GUCY2F: variants seen among roughly 807,000 people sequenced by gnomAD.
GUCY2F encodes retinal guanylyl cyclase 2.
In GUCY2F, 61 loss-of-function variants were observed where a neutral mutation model predicts 73.1. That is an observed-to-expected ratio of 0.83 (90% CI 0.68 to 1.03). The LOEUF (loss-of-function observed/expected upper bound fraction) is 1.03, where lower values mean the gene tolerates loss of function less well. GUCY2F is among the 50% of genes least tolerant of loss of function. The pLI is 0.00. For synonymous variants in GUCY2F, 331 were observed against 307.8 expected (o/e 1.08, Z -0.79); for missense variants, 912 against 854.3 (o/e 1.07, Z -0.84).
chrX:109,422,038 T>A (rs1362121503), intron 8 of GUCY2F, among the ~76,000 whole-genome samples: 2 of 111,723 alleles, frequency 1.8e-5, no homozygotes, highest in African/African-American at 6.5e-5. Context: ...TACTAATTTA[T>A]TTTAATAGAT....
chrX:109,388,122 G>A (rs939727839), intron 15 of GUCY2F, among the ~76,000 whole-genome samples: 4 of 111,459 alleles, frequency 3.6e-5, no homozygotes, highest in Non-Finnish European at 7.5e-5. Context: ...GAAGCAAGAG[G>A]AGCTAGTAGG....
chrX:109,458,428 A>G (rs997792201), intron 3 of GUCY2F, among the ~76,000 whole-genome samples: 2 of 111,603 alleles, frequency 1.8e-5, no homozygotes, highest in Non-Finnish European at 3.8e-5. Context: ...ATCCCATTGG[A>G]TCATTTATGT....
intron 2 of GUCY2F, among the ~76,000 whole-genome samples, chrX:109,468,553 C>A (rs1394794313): frequency 9.0e-6 from 1 of 111,440 alleles, no homozygotes; most frequent in African/African-American, 3.3e-5. Context: ...GTTGTTCATG[C>A]CTACTATCAT....
At chrX:109,396,480 T>C (rs1209253812) in intron 11 of GUCY2F, among the ~76,000 whole-genome samples, 1 of 111,721 alleles carries the variant, frequency 9.0e-6, no homozygotes, top group Non-Finnish European at 1.9e-5. Flanking sequence ...ATCACTTTCT[T>C]GCTCAAAAGC....
chrX:109,459,338 A>C (rs1355491184), intron 3 of GUCY2F, among the ~76,000 whole-genome samples: 8 of 111,539 alleles, frequency 7.2e-5, no homozygotes, highest in Non-Finnish European at 1.9e-5. Flanking sequence ...GCCCCTTAAG[A>C]ATCCTGGAAA....
chrX:109,462,867 A>G (rs1932389311), intron 3 of GUCY2F, among the ~76,000 whole-genome samples: 1 of 111,821 alleles, frequency 8.9e-6, no homozygotes, highest in African/African-American at 3.2e-5. Flanking sequence ...AACACATCAA[A>G]CAACTGGTTT....
intron 15 of GUCY2F, among the ~76,000 whole-genome samples, chrX:109,385,634 T>C (rs1314934797): frequency 7.2e-5 from 8 of 111,532 alleles, no homozygotes; most frequent in Admixed American, 1.9e-4. Flanking sequence ...AGGAAAAAAA[T>C]GTGACTTTTT....
intron 12 of GUCY2F, 85 bp from the exon 13 acceptor site, chrX:109,393,140 C>T: frequency 1.9e-6 from 1 of 539,871 alleles, no homozygotes. Context: ...ATCACAAATC[C>T]ATTCCACCAA....
chrX:109,443,234 T>C (rs184762771), intron 6 of GUCY2F, among the ~76,000 whole-genome samples: 1 of 111,313 alleles, frequency 9.0e-6, no homozygotes, highest in East Asian at 2.8e-4. Context: ...AAGAGCTATG[T>C]TCTTCTAGGG....
At chrX:109,441,242 A>C (rs112966846) in intron 7 of GUCY2F, 109 bp downstream of exon 7, 21 of 438,914 alleles carry the variant, frequency 4.8e-5, no homozygotes, top group African/African-American at 7.4e-5. Context: ...CCAAACTGGA[A>C]AGACTTGCCA....
At chrX:109,379,516 C>T (rs750325421) in intron 17 of GUCY2F, among the ~76,000 whole-genome samples, 1 of 112,213 alleles carries the variant, frequency 8.9e-6, no homozygotes, top group African/African-American at 3.2e-5. Context: ...TGTCAGTTTA[C>T]AATAAAAAAT....
chrX:109,446,212 T>A (rs1932003272), intron 6 of GUCY2F, among the ~76,000 whole-genome samples: 1 of 112,021 alleles, frequency 8.9e-6, no homozygotes, highest in Non-Finnish European at 1.9e-5. Context: ...AGGCAATTTA[T>A]AGATTCAGTG....
intron 1 of GUCY2F, among the ~76,000 whole-genome samples, chrX:109,476,815 GTA>G (rs1200741349): frequency 9.5e-6 from 1 of 105,528 alleles, no homozygotes; most frequent in African/African-American, 3.9e-5. Context: ...ATGTGCGTGT[GTA>G]TATATATGTG....
At chrX:109,410,944 G>A (rs1931093842) in intron 8 of GUCY2F, among the ~76,000 whole-genome samples, 1 of 111,230 alleles carries the variant, frequency 9.0e-6, no homozygotes, top group Admixed American at 9.5e-5. Flanking sequence ...CTGGAGAAAT[G>A]GACAGGAGCC....
intron 7 of GUCY2F, among the ~76,000 whole-genome samples, chrX:109,437,017 T>G (rs1413294553): frequency 9.0e-6 from 1 of 111,202 alleles, no homozygotes; most frequent in African/African-American, 3.3e-5. Context: ...AAAATTTGAT[T>G]TATTTTAAAC....
chrX:109,464,529 T>A (rs973332057), intron 3 of GUCY2F, among the ~76,000 whole-genome samples: 2 of 112,283 alleles, frequency 1.8e-5, no homozygotes, highest in Non-Finnish European at 3.8e-5. Flanking sequence ...GCCCCTCCTG[T>A]CTTCTTTCTC....
chrX:109,405,301 T>C (rs895184525), intron 9 of GUCY2F, among the ~76,000 whole-genome samples: 2 of 111,896 alleles, frequency 1.8e-5, no homozygotes. Context: ...AGGGGGAGTA[T>C]GAAGAAAGAG....
At chrX:109,389,761 TATC>T (rs377763670) in intron 14 of GUCY2F, among the ~76,000 whole-genome samples, 191 of 111,259 alleles carry the variant, frequency 1.7e-3, no homozygotes, top group Non-Finnish European at 2.8e-3. Flanking sequence ...TCATCAACAT[TATC>T]ATCATCATCA....
intron 8 of GUCY2F, among the ~76,000 whole-genome samples, chrX:109,409,494 G>A (rs1267973658): frequency 9.0e-6 from 1 of 111,652 alleles, no homozygotes; most frequent in Non-Finnish European, 1.9e-5. Context: ...GGGGGAAGGA[G>A]GCTATAAGCC....
Sources: allele counts gnomAD v4.1 joint callset (sites outside exome capture counted in the v4.1 genomes callset), GRCh38; gene constraint gnomAD v4.1.1; transcripts MANE v1.5; gene names NCBI Gene and HGNC (gene_info 2026-07-23, HGNC 2026-07-21).